The following GNAL variants were observed in gnomAD, a reference collection of about 807,000 sequenced individuals.
GNAL encodes guanine nucleotide-binding protein G(olf) subunit alpha.
In GNAL, 18 loss-of-function variants were observed where a neutral mutation model predicts 55.1. The observed-to-expected ratio is 0.33, with a 90% confidence interval of 0.23 to 0.48. GNAL has a LOEUF of 0.48. GNAL is among the 20% of genes least tolerant of loss of function. The probability of loss-of-function intolerance (pLI) is 0.99; values close to 1 mark genes in which losing one functional copy is unlikely to be tolerated. For synonymous variants in GNAL, 253 were observed against 237.0 expected (o/e 1.07, Z -0.62); for missense variants, 412 against 614.1 (o/e 0.67, Z 3.48).
At chr18:11,698,747 G>T (rs1201625319) in intron 1 of GNAL, among the ~76,000 whole-genome samples, 3 of 152,116 alleles carry the variant, frequency 2.0e-5, no homozygotes, top group Non-Finnish European at 4.4e-5. Context: ...ATGAAGAGAA[G>T]AGGGCAGGAG....
At chr18:11,735,274 C>T (rs2032435689) in intron 1 of GNAL, among the ~76,000 whole-genome samples, 1 of 151,836 alleles carries the variant, frequency 6.6e-6, no homozygotes, top group African/African-American at 2.4e-5. Flanking sequence ...TGGTCTTGAA[C>T]TCCTGACCTC....
chr18:11,871,664 ATT>A (rs1433169207), intron 9 of GNAL, among the ~76,000 whole-genome samples: 6 of 152,238 alleles, frequency 3.9e-5, no homozygotes, highest in Non-Finnish European at 1.5e-5. Flanking sequence ...GCTCTGTGTT[ATT>A]AGCTAATGAG....
At chr18:11,854,150 A>G (rs1238556143) in intron 5 of GNAL, 14 of 167,076 alleles carry the variant, frequency 8.4e-5, no homozygotes. Context: ...ATTGGAAAAA[A>G]TAATTACAAC....
At chr18:11,867,322 A>G (rs2143862549) in intron 8 of GNAL, 96 bp downstream of exon 8, 1 of 787,398 alleles carries the variant, frequency 1.3e-6, no homozygotes, top group South Asian at 1.4e-5. Context: ...TCTCTAACTA[A>G]TATGTAAAGT....
intron 1 of GNAL, among the ~76,000 whole-genome samples, chr18:11,708,839 T>C (rs2031772623): frequency 6.6e-6 from 1 of 152,220 alleles, no homozygotes; most frequent in Non-Finnish European, 1.5e-5. Flanking sequence ...CATTGTTGCC[T>C]GTGCTGTTGG....
In GNAL at chr18:11,868,738, C is replaced by T. The variant is rs1054496263; in HGVS notation, c.1031+75C>T. On this transcript the variant is annotated intron_variant, in intron 9 of 11. Coordinates refer to ENST00000334049, the MANE Select transcript of GNAL (RefSeq NM_182978.4). This position sits in a 1 kb window ranked among gnomAD's most constrained non-coding sequence, Gnocchi z 4.0. ...TTGTTAAAAATACGCTCAGGCCAGG[C>T]GTTGTGGCTCACACCTGTAATCTCA... 4.3e-5 allele frequency: 55 copies of T among 1,288,950 alleles called. No homozygotes were observed. Among genetic ancestry groups the T allele is most frequent in the Non-Finnish European group, 6.0e-5 (55 of 918,948 alleles). 79.8% of individuals were successfully genotyped at this position (1,288,950 alleles called of 1,614,324 possible).
chr18:11,805,875 T>C (rs111287974), intron 4 of GNAL, among the ~76,000 whole-genome samples: 18 of 152,334 alleles, frequency 1.2e-4, no homozygotes, highest in African/African-American at 3.4e-4. Context: ...AGTAGTGAGA[T>C]TGCAGGATAG....
At chr18:11,816,583 C>T (rs1320473656) in intron 4 of GNAL, among the ~76,000 whole-genome samples, 2 of 152,062 alleles carry the variant, frequency 1.3e-5, no homozygotes, top group African/African-American at 2.4e-5. Context: ...CATGAGCCAC[C>T]GTACCCGGCC....
intron 1 of GNAL, among the ~76,000 whole-genome samples, chr18:11,720,929 G>T (rs770324997): frequency 2.0e-5 from 3 of 152,172 alleles, no homozygotes; most frequent in African/African-American, 7.2e-5. Flanking sequence ...TGCAATATAA[G>T]ATTTGCATAC....
intron 1 of GNAL, among the ~76,000 whole-genome samples, chr18:11,725,180 C>A (rs537584086): frequency 6.6e-6 from 1 of 152,166 alleles, no homozygotes; most frequent in South Asian, 2.1e-4. Context: ...TAACCCGCAG[C>A]CTCTCAGAAT....
intron 4 of GNAL, among the ~76,000 whole-genome samples, chr18:11,785,540 G>A (rs539492250): frequency 6.6e-6 from 1 of 152,342 alleles, no homozygotes; most frequent in South Asian, 2.1e-4. Flanking sequence ...GAGGCTGCAG[G>A]CCCCTGCCTC....
chr18:11,776,463 T>C (rs1385998460), intron 4 of GNAL, among the ~76,000 whole-genome samples: 2 of 152,160 alleles, frequency 1.3e-5, no homozygotes, highest in East Asian at 3.9e-4. Context: ...TCCCAGCATT[T>C]TGGGAAGCCA....
intron 1 of GNAL, among the ~76,000 whole-genome samples, chr18:11,721,617 A>G (rs1285537513): frequency 6.6e-6 from 1 of 152,060 alleles, no homozygotes; most frequent in East Asian, 1.9e-4. Context: ...TTAGCCAGGC[A>G]TGGTGGCAGG....
At chr18:11,829,414 C>T (rs2035326258) in intron 5 of GNAL, among the ~76,000 whole-genome samples, 1 of 152,192 alleles carries the variant, frequency 6.6e-6, no homozygotes, top group Non-Finnish European at 1.5e-5. Context: ...ATTTCAAAAA[C>T]AACTAACATT....
In GNAL at chr18:11,885,094, C is replaced by A. The variant is rs75223582; in HGVS notation, c.*3959C>A. The A allele has an allele frequency of 1.6e-3, 2,036 of 1,234,854 alleles. 31 individuals are homozygous for A. In the African/African-American group the frequency reaches 0.028, roughly 17 times the overall value. The allele number at this position is 1,234,854 out of a possible 1,614,324, so 76.5% of individuals were successfully genotyped here. On this transcript the variant is annotated 3_prime_UTR_variant, in exon 12 of 12. Coordinates refer to ENST00000334049, the MANE Select transcript of GNAL (RefSeq NM_182978.4). ...CTCCATGGGCTTTTCTTTGCAGATA[C>A]TTTTATGTGGAACAACAGTGGCAAA...
At chr18:11,826,678 C>A (rs2035255494) in intron 5 of GNAL, among the ~76,000 whole-genome samples, 2 of 152,052 alleles carry the variant, frequency 1.3e-5, no homozygotes, top group Admixed American at 6.6e-5. Flanking sequence ...GGAAAGGGAT[C>A]CAGGAGGGTA....
At chr18:11,703,848 A>T (rs780749066) in intron 1 of GNAL, among the ~76,000 whole-genome samples, 16 of 146,478 alleles carry the variant, frequency 1.1e-4, no homozygotes, top group Admixed American at 6.7e-5. Flanking sequence ...GAAGTGCAGG[A>T]AGCTCTGTGG....
chr18:11,731,445 G>A lies in GNAL; in HGVS notation c.377-21408G>A, dbSNP rs117387071. Among the ~76,000 whole-genome samples, 606 of 152,296 alleles carry A rather than the reference G, an allele frequency of 4.0e-3. 7 individuals carry two copies. The East Asian group carries it at 0.052, about 13-fold the overall frequency. On this transcript the variant is annotated intron_variant, in intron 1 of 11. Coordinates refer to ENST00000334049, the MANE Select transcript of GNAL (RefSeq NM_182978.4). ...ATTACAGGCGTGAGCCACCGTGCCC[G>A]ACTGGGAATTCAGTTTTTAAGGTTT...
intron 4 of GNAL, among the ~76,000 whole-genome samples, chr18:11,769,981 T>G (rs187629701): frequency 6.6e-6 from 1 of 152,342 alleles, no homozygotes; most frequent in African/African-American, 2.4e-5. Context: ...TAACATGACT[T>G]TAATATTTTT....
Sources: allele counts gnomAD v4.1 joint callset (sites outside exome capture counted in the v4.1 genomes callset), GRCh38; gene constraint gnomAD v4.1.1; non-coding constraint Gnocchi (gnomAD v3.1); transcripts MANE v1.5; gene names NCBI Gene and HGNC (gene_info 2026-07-23, HGNC 2026-07-21).